DOK6: variants seen among roughly 807,000 people sequenced by gnomAD.
DOK6 encodes docking protein 6.
A neutral mutation model predicts 44.0 loss-of-function variants in DOK6; 22 were observed. The ratio of observed to expected loss-of-function variants is 0.50; its 90% CI spans 0.36 to 0.71. DOK6 has a LOEUF of 0.71. DOK6 is among the 30% of genes least tolerant of loss of function. The pLI is 0.00. For synonymous variants in DOK6, 166 were observed against 145.5 expected (o/e 1.14, Z -1.01); for missense variants, 340 against 416.4 (o/e 0.82, Z 1.60).
intron 7 of DOK6, among the ~76,000 whole-genome samples, chr18:69,835,303 A>C (rs982979140): frequency 1.3e-5 from 2 of 152,170 alleles, no homozygotes; most frequent in African/African-American, 4.8e-5. Context: ...TCTATTTAAA[A>C]ATACAAAAAA....
chr18:69,526,052 A>G (rs1349352202), intron 1 of DOK6, among the ~76,000 whole-genome samples: 1 of 152,104 alleles, frequency 6.6e-6, no homozygotes, highest in African/African-American at 2.4e-5. Flanking sequence ...TACATCCCTC[A>G]TTAAATTGTT....
chr18:69,626,877 A>T (rs1984568110), intron 3 of DOK6, among the ~76,000 whole-genome samples: 1 of 152,198 alleles, frequency 6.6e-6, no homozygotes, highest in Non-Finnish European at 1.5e-5. Context: ...AGTTATAGTT[A>T]CCAGTTTTCT....
chr18:69,446,192 G>C (rs1046947122), intron 1 of DOK6, among the ~76,000 whole-genome samples: 2 of 147,810 alleles, frequency 1.4e-5, no homozygotes, highest in African/African-American at 5.0e-5. Context: ...ATCTCCTAAT[G>C]CTATCCCTCC....
intron 1 of DOK6, among the ~76,000 whole-genome samples, chr18:69,419,075 G>T (rs1978414363): frequency 2.6e-5 from 4 of 152,042 alleles, no homozygotes; most frequent in Non-Finnish European, 4.4e-5. Flanking sequence ...GGACCCAAGT[G>T]GTTTGAACAC....
intron 1 of DOK6, among the ~76,000 whole-genome samples, chr18:69,434,589 G>A (rs1008139223): frequency 1.5e-5 from 2 of 136,814 alleles, no homozygotes; most frequent in Admixed American, 1.6e-4. Flanking sequence ...AGAGCATCGA[G>A]ACCATTCTGG....
chr18:69,443,677 T>C (rs1979198369), intron 1 of DOK6, among the ~76,000 whole-genome samples: 1 of 152,180 alleles, frequency 6.6e-6, no homozygotes, highest in African/African-American at 2.4e-5. Flanking sequence ...TCCGGCATTT[T>C]CTTGTGTTAC....
intron 1 of DOK6, among the ~76,000 whole-genome samples, chr18:69,491,129 A>G (rs1194175630): frequency 6.6e-6 from 1 of 152,138 alleles, no homozygotes; most frequent in African/African-American, 2.4e-5. Context: ...TACATTATCT[A>G]CAATGGCATG....
intron 1 of DOK6, among the ~76,000 whole-genome samples, chr18:69,446,220 C>A (rs553836018): frequency 8.5e-6 from 1 of 117,780 alleles, no homozygotes; most frequent in African/African-American, 3.3e-5. Context: ...CCCCACCCCA[C>A]GACAGGCCCC....
intron 1 of DOK6, among the ~76,000 whole-genome samples, chr18:69,493,256 G>T (rs1980790217): frequency 1.3e-5 from 2 of 152,076 alleles, no homozygotes; most frequent in Non-Finnish European, 2.9e-5. Context: ...TACACGTTTG[G>T]CATGGCTAAT....
intron 1 of DOK6, among the ~76,000 whole-genome samples, chr18:69,431,070 C>T (rs1229216682): frequency 3.3e-5 from 5 of 152,110 alleles, no homozygotes; most frequent in African/African-American, 1.2e-4. Flanking sequence ...GGTTTATTAC[C>T]TCAGTTTAAT....
intron 3 of DOK6, among the ~76,000 whole-genome samples, chr18:69,674,593 GCA>G (rs1339581835): frequency 2.0e-5 from 3 of 151,768 alleles, no homozygotes; most frequent in Non-Finnish European, 4.4e-5. Flanking sequence ...ACTGCTGTGT[GCA>G]CACACACCCA....
intron 3 of DOK6, among the ~76,000 whole-genome samples, chr18:69,629,578 A>G (rs1292356009): frequency 6.6e-6 from 1 of 152,200 alleles, no homozygotes; most frequent in Non-Finnish European, 1.5e-5. Context: ...CATTATTGAG[A>G]CTTGGCACTG....
chr18:69,812,648 A>G (rs963700036), intron 7 of DOK6, among the ~76,000 whole-genome samples: 3 of 152,080 alleles, frequency 2.0e-5, no homozygotes, highest in Admixed American at 6.6e-5. Context: ...AGCATCCTAC[A>G]TTCTTCATTC....
chr18:69,675,570 A>T (rs1985902018), intron 3 of DOK6, among the ~76,000 whole-genome samples: 1 of 152,236 alleles, frequency 6.6e-6, no homozygotes, highest in Non-Finnish European at 1.5e-5. Context: ...ATGTTAAATG[A>T]CGAATTAATG....
At chr18:69,603,318 C>T (rs371297840) in intron 3 of DOK6, among the ~76,000 whole-genome samples, 28 of 152,276 alleles carry the variant, frequency 1.8e-4, no homozygotes, top group African/African-American at 6.3e-4. Flanking sequence ...AAAACCTACC[C>T]TTGTAGCCCC....
intron 7 of DOK6, among the ~76,000 whole-genome samples, chr18:69,783,764 A>G (rs1157385629): frequency 1.4e-4 from 21 of 152,184 alleles, no homozygotes. Context: ...GAAGGCCTAT[A>G]CTCAATTTTT....
chr18:69,610,369 A>G (rs1048578585), intron 3 of DOK6, among the ~76,000 whole-genome samples: 1 of 152,214 alleles, frequency 6.6e-6, no homozygotes, highest in Non-Finnish European at 1.5e-5. Flanking sequence ...TATCTCATAT[A>G]AGCATATACA....
intron 7 of DOK6, among the ~76,000 whole-genome samples, chr18:69,787,215 C>T (rs1215363986): frequency 6.6e-6 from 1 of 151,890 alleles, no homozygotes; most frequent in East Asian, 1.9e-4. Flanking sequence ...GACTTGGTCT[C>T]AAAAAACAAG....
intron 5 of DOK6, among the ~76,000 whole-genome samples, chr18:69,700,206 C>CATATATATACATATATATAT (rs1986483311): frequency 1.4e-5 from 1 of 72,102 alleles, no homozygotes; most frequent in Non-Finnish European, 3.1e-5. Flanking sequence ...GTTAGTTTTA[C>CATATATATACATATATATAT]ATATATATAC....
Sources: allele counts gnomAD v4.1 joint callset (sites outside exome capture counted in the v4.1 genomes callset), GRCh38; gene constraint gnomAD v4.1.1; transcripts MANE v1.5; gene names NCBI Gene and HGNC (gene_info 2026-07-23, HGNC 2026-07-21).